Variants in GRIN2B observed in about 807,000 individuals in gnomAD.
GRIN2B encodes the protein glutamate ionotropic receptor NMDA type subunit 2B, also known as glutamate receptor ionotropic, NMDA 2B.
In GRIN2B, 5 loss-of-function variants were observed where a neutral mutation model predicts 114.5. That is an observed-to-expected ratio of 0.04 (90% CI 0.02 to 0.09). The LOEUF is 0.09. GRIN2B is among the 10% of genes least tolerant of loss of function. GRIN2B has a pLI of 1.00. For synonymous variants in GRIN2B, 787 were observed against 745.1 expected (o/e 1.06, Z -0.92); for missense variants, 1,108 against 1,943.5 (o/e 0.57, Z 8.08).
chr12:13,597,905 G>T (rs952007492), intron 10 of GRIN2B, among the ~76,000 whole-genome samples: 2 of 152,180 alleles, frequency 1.3e-5, no homozygotes, highest in African/African-American at 4.8e-5. Flanking sequence ...AGGGCAGAGA[G>T]AAATAGGCAG....
chr12:13,706,577 A>G lies in GRIN2B; in HGVS notation c.1011-30718T>C, dbSNP rs998046520. Among the ~76,000 whole-genome samples, 7 of 152,088 alleles carry G rather than the reference A, an allele frequency of 4.6e-5. No homozygotes were observed. In the South Asian group the frequency reaches 6.2e-4, roughly 14 times the overall value. ...GCTGTATGGACAGCAGTAGTCCCCA[A>G]ATTAATCTCACACATTTCCTCCTGT... is the stretch of plus-strand genomic sequence containing the variant. On this transcript the variant is annotated intron_variant, in intron 4 of 13. Transcript: ENST00000609686.
At chr12:13,692,785 T>TTTTTTTTTTTTTTTTA (rs1950226634) in intron 4 of GRIN2B, among the ~76,000 whole-genome samples, 1 of 121,502 alleles carries the variant, frequency 8.2e-6, no homozygotes, top group Non-Finnish European at 1.7e-5. Flanking sequence ...TTTTTTTTTT[T>TTTTTTTTTTTTTTTTA]GAGGCAGAGT....
chr12:13,563,277 T>C lies in GRIN2B; in HGVS notation c.3961A>G (p.Ser1321Gly). Residue 1321 changes from serine to glycine, a missense_variant, in exon 14 of 14, where the codon AGC becomes GGC. Ser to Gly is a moderately conservative substitution (Grantham distance 56). This residue lies in a region of GRIN2B where 478 missense variants were observed against 506.0 expected (regional missense o/e 0.94). Coordinates refer to ENST00000609686, the MANE Select transcript of GRIN2B (RefSeq NM_000834.5). ...QKEEAALAPR[S>G]VSLKDKGRFM... ...CGGCCCTTGTCTTTCAGGCTTACGC[T>C]GCGCGGGGCCAGGGCGGCTTCTTCC... 6.2e-7 allele frequency: 1 copy of C among 1,614,236 alleles called. No homozygotes were observed.
At chr12:13,671,852 G>C (rs530266007) in intron 5 of GRIN2B, among the ~76,000 whole-genome samples, 2 of 152,070 alleles carry the variant, frequency 1.3e-5, no homozygotes, top group African/African-American at 4.8e-5. Flanking sequence ...CAAGGTCCTT[G>C]CCCCCAGGAA....
chr12:13,608,892 C>T, intron 9 of GRIN2B, 60 bp from the exon 10 acceptor site: 1 of 1,218,842 alleles, frequency 8.2e-7, no homozygotes, highest in South Asian at 1.2e-5. Context: ...CTGTTGAAAC[C>T]TACAAATACA....
intron 5 of GRIN2B, among the ~76,000 whole-genome samples, chr12:13,671,422 G>A (rs1161271977): frequency 2.0e-5 from 3 of 152,104 alleles, no homozygotes; most frequent in Admixed American, 6.5e-5. Context: ...CTTCCCAAGG[G>A]AACAAAATGT....
At chr12:13,780,412 A>G (rs1864086492) in intron 3 of GRIN2B, among the ~76,000 whole-genome samples, 2 of 152,248 alleles carry the variant, frequency 1.3e-5, no homozygotes, top group Admixed American at 1.3e-4. Context: ...CAAATATTGC[A>G]GAATGTTATT....
intron 2 of GRIN2B, among the ~76,000 whole-genome samples, chr12:13,969,680 G>A (rs1169765522): frequency 1.3e-5 from 2 of 152,090 alleles, no homozygotes; most frequent in Admixed American, 1.3e-4. Context: ...ATAATTCCAG[G>A]ACCTTCTCAC....
Position 13,798,296 on chromosome 12 carries a change from TA to T in GRIN2B, c.412-44382del, listed in dbSNP as rs34266526. Among the ~76,000 whole-genome samples the T allele has an allele frequency of 5.8e-3, 841 of 146,078 alleles. 10 individuals are homozygous for T. The highest frequency in any genetic ancestry group is 0.019 in the African/African-American group (738 of 39,408). Reference sequence around the variant, plus strand: ...GAAATAGTATCATTCATTCATTTACTAAAAAAAAAAAAGTCAGTGTTGCAAT... The same window carrying T: ...GAAATAGTATCATTCATTCATTTACTAAAAAAAAAAAGTCAGTGTTGCAAT... On this transcript the variant is annotated intron_variant, in intron 3 of 13. Transcript: ENST00000609686.
chr12:13,893,621 C>T (rs1004604657), intron 2 of GRIN2B, among the ~76,000 whole-genome samples: 8 of 152,034 alleles, frequency 5.3e-5, no homozygotes, highest in Non-Finnish European at 7.4e-5. Flanking sequence ...GATAGACAAA[C>T]GTGAATCTCA....
intron 10 of GRIN2B, among the ~76,000 whole-genome samples, chr12:13,605,584 C>CA (rs3081919): frequency 6.7e-6 from 1 of 149,254 alleles, no homozygotes; most frequent in Admixed American, 6.7e-5. Flanking sequence ...CACACACACA[C>CA]CTGTCTTCAT....
chr12:13,786,446 C>T (rs886442461), intron 3 of GRIN2B, among the ~76,000 whole-genome samples: 3 of 152,148 alleles, frequency 2.0e-5, no homozygotes, highest in Non-Finnish European at 2.9e-5. Flanking sequence ...ACTTGTCTCT[C>T]AAAGAGTGCC....
intron 2 of GRIN2B, among the ~76,000 whole-genome samples, chr12:13,925,445 C>G (rs1866896320): frequency 6.6e-6 from 1 of 152,194 alleles, no homozygotes; most frequent in African/African-American, 2.4e-5. Flanking sequence ...GAGATGTTTA[C>G]TGACAGAATC....
At chr12:13,884,638 A>G (rs1321576216) in intron 2 of GRIN2B, among the ~76,000 whole-genome samples, 4 of 152,048 alleles carry the variant, frequency 2.6e-5, no homozygotes, top group Admixed American at 2.6e-4. Context: ...AAAAATTTTT[A>G]TAGAACTAGT....
intron 5 of GRIN2B, among the ~76,000 whole-genome samples, chr12:13,659,970 C>T (rs1949904635): frequency 6.6e-6 from 1 of 152,154 alleles, no homozygotes; most frequent in African/African-American, 2.4e-5. Flanking sequence ...TGGCTCAGGG[C>T]TGTATACAGG....
At chr12:13,943,441 A>G (rs1352599630) in intron 2 of GRIN2B, among the ~76,000 whole-genome samples, 1 of 151,926 alleles carries the variant, frequency 6.6e-6, no homozygotes, top group Non-Finnish European at 1.5e-5. Context: ...CCTACTCAAG[A>G]TTCTCCCCTG....
intron 4 of GRIN2B, among the ~76,000 whole-genome samples, chr12:13,718,864 T>C (rs1431111740): frequency 1.3e-5 from 2 of 152,062 alleles, no homozygotes; most frequent in Non-Finnish European, 2.9e-5. Flanking sequence ...TATGCATCAA[T>C]GAGCAACCTC....
intron 2 of GRIN2B, among the ~76,000 whole-genome samples, chr12:13,886,614 G>A (rs988815125): frequency 6.6e-6 from 1 of 152,136 alleles, no homozygotes; most frequent in African/African-American, 2.4e-5. Flanking sequence ...AAGCAGAACC[G>A]AGTTCCCGCA....
chr12:13,682,811 A>G (rs978510031), intron 4 of GRIN2B, among the ~76,000 whole-genome samples: 5 of 152,166 alleles, frequency 3.3e-5, no homozygotes. Flanking sequence ...ACCATCTATT[A>G]TGAAGAAAAA....
Sources: gnomAD v4.1 joint callset for allele counts (sites outside exome capture counted in the v4.1 genomes callset) on GRCh38, gnomAD v4.1.1 for gene constraint, gnomAD v4.1.1 regional missense constraint, MANE v1.5 for transcripts, NCBI Gene and HGNC (gene_info 2026-07-23, HGNC 2026-07-21) for gene names.